The following KCNN2 variants were observed in gnomAD, a reference collection of about 807,000 sequenced individuals.
The protein encoded by KCNN2 is potassium calcium-activated channel subfamily N member 2, also known as small conductance calcium-activated potassium channel protein 2.
In KCNN2, 24 loss-of-function variants were observed where a neutral mutation model predicts 55.5. That is an observed-to-expected ratio of 0.43 (90% CI 0.31 to 0.61). The LOEUF is 0.61. Ranked by LOEUF, KCNN2 falls within the 20% of genes least tolerant of loss-of-function variation. The pLI, the probability that KCNN2 is intolerant of heterozygous loss-of-function variation, is 0.08. For synonymous variants in KCNN2, 431 were observed against 336.1 expected, an observed-to-expected ratio of 1.28 and a Z score of -3.09; for missense variants, 754 against 853.6, an observed-to-expected ratio of 0.88 and a Z score of 1.45.
chr5:114,186,949 C>T (rs1308081732), intron 1 of KCNN2, among the ~76,000 whole-genome samples: 3 of 152,034 alleles, frequency 2.0e-5, no homozygotes, highest in Non-Finnish European at 4.4e-5. Context: ...ATAAAAATCA[C>T]GAGATAATCT....
At chr5:114,177,964 C>A (rs191656595) in intron 1 of KCNN2, among the ~76,000 whole-genome samples, 2 of 152,224 alleles carry the variant, frequency 1.3e-5, no homozygotes, top group Admixed American at 1.3e-4. Context: ...CTGTGTTACG[C>A]CTGTCTTAAG....
intron 2 of KCNN2, among the ~76,000 whole-genome samples, chr5:114,285,141 G>C (rs555206326): frequency 1.3e-5 from 2 of 151,494 alleles, no homozygotes; most frequent in African/African-American, 4.8e-5. Flanking sequence ...AAAATTAGCC[G>C]GGTGTGGTGG....
At chr5:114,333,214 C>G (rs924831341) in intron 2 of KCNN2, among the ~76,000 whole-genome samples, 8 of 152,058 alleles carry the variant, frequency 5.3e-5, no homozygotes, top group African/African-American at 1.7e-4. Context: ...AACACGGGAG[C>G]CGGGAGGGCG....
chr5:114,454,045 C>T (rs1301256819), intron 3 of KCNN2, among the ~76,000 whole-genome samples: 1 of 152,146 alleles, frequency 6.6e-6, no homozygotes, highest in Non-Finnish European at 1.5e-5. Context: ...CATTGTTGAA[C>T]TCCCACTTAC....
intron 3 of KCNN2, among the ~76,000 whole-genome samples, chr5:114,442,776 G>A (rs1469693066): frequency 6.6e-6 from 1 of 152,126 alleles, no homozygotes; most frequent in African/African-American, 2.4e-5. Flanking sequence ...GGAAAATACT[G>A]TGGTGTATAA....
intron 1 of KCNN2, among the ~76,000 whole-genome samples, chr5:114,098,227 T>A (rs188128056): frequency 7.4e-4 from 112 of 152,226 alleles, no homozygotes; most frequent in South Asian, 1.7e-3. Context: ...ATCTCAAGGT[T>A]CTTCACTTAA....
intron 1 of KCNN2, among the ~76,000 whole-genome samples, chr5:114,154,633 G>A (rs1752594021): frequency 1.3e-5 from 2 of 152,190 alleles, no homozygotes; most frequent in Non-Finnish European, 2.9e-5. Flanking sequence ...CTACTTGTAG[G>A]CATGTCTCTG....
intron 2 of KCNN2, among the ~76,000 whole-genome samples, chr5:114,395,874 G>C (rs1455858097): frequency 6.6e-6 from 1 of 152,024 alleles, no homozygotes; most frequent in East Asian, 1.9e-4. Context: ...CTCTGGACTT[G>C]GCCTTGAGTA....
intron 1 of KCNN2, among the ~76,000 whole-genome samples, chr5:114,208,459 G>A (rs1344877742): frequency 6.6e-6 from 1 of 152,184 alleles, no homozygotes; most frequent in Non-Finnish European, 1.5e-5. Flanking sequence ...TTAAGGGGAT[G>A]AGGGTGGTGC....
chr5:114,484,241 A>G (rs1437040501), intron 5 of KCNN2, among the ~76,000 whole-genome samples: 1 of 152,148 alleles, frequency 6.6e-6, no homozygotes, highest in African/African-American at 2.4e-5. Context: ...AAAGGGGACA[A>G]AAGGGCATTC....
chr5:114,414,403 A>G (rs1204918030), intron 3 of KCNN2, among the ~76,000 whole-genome samples: 1 of 152,136 alleles, frequency 6.6e-6, no homozygotes, highest in Non-Finnish European at 1.5e-5. Context: ...CTGTCTTTCA[A>G]GGGAGCCTCT....
chr5:114,372,211 G>T (rs1757780856), intron 2 of KCNN2, among the ~76,000 whole-genome samples: 1 of 152,154 alleles, frequency 6.6e-6, no homozygotes, highest in African/African-American at 2.4e-5. Flanking sequence ...TACTTGGTTT[G>T]GATACCTGTC....
intron 2 of KCNN2, among the ~76,000 whole-genome samples, chr5:114,226,417 A>G (rs1754238287): frequency 2.0e-5 from 3 of 152,204 alleles, no homozygotes; most frequent in South Asian, 2.1e-4. Context: ...CATATTATGC[A>G]TATGATTTTG....
intron 1 of KCNN2, among the ~76,000 whole-genome samples, chr5:114,144,890 G>T (rs959143558): frequency 7.2e-5 from 11 of 151,822 alleles, no homozygotes; most frequent in African/African-American, 2.4e-4. Context: ...AATCTTTACT[G>T]TCCCATCTTT....
chr5:114,492,647 G>A (rs948155514), intron 6 of KCNN2, among the ~76,000 whole-genome samples: 5 of 151,820 alleles, frequency 3.3e-5, no homozygotes, highest in African/African-American at 1.2e-4. Flanking sequence ...TCTTCATCAG[G>A]TATATACAAT....
At chr5:114,358,928 C>T (rs567294280), upstream of KCNN2, among the ~76,000 whole-genome samples, 47 of 152,192 alleles carry the variant, frequency 3.1e-4, 1 homozygote, top group South Asian at 6.0e-3. Context: ...TTAAATGTGC[C>T]TGTTATAACC....
chr5:114,133,203 AT>A (rs368521404), intron 1 of KCNN2, among the ~76,000 whole-genome samples: 1,923 of 149,374 alleles, frequency 0.013, 48 homozygotes, highest in African/African-American at 0.043. Flanking sequence ...TTCCCATCAG[AT>A]TTTTTTTTTG....
intron 3 of KCNN2, among the ~76,000 whole-genome samples, chr5:114,405,994 G>A (rs1758920532): frequency 2.0e-5 from 3 of 151,430 alleles, no homozygotes; most frequent in Admixed American, 1.3e-4. Context: ...ACAGGCGTGA[G>A]CCACCGCACC....
chr5:114,079,820 A>C (rs1482421537), intron 1 of KCNN2, among the ~76,000 whole-genome samples: 1 of 135,600 alleles, frequency 7.4e-6, no homozygotes, highest in African/African-American at 3.1e-5. Flanking sequence ...GTAGATACTT[A>C]ATATGTGTGT....
Sources: gnomAD v4.1 joint callset for allele counts (sites outside exome capture counted in the v4.1 genomes callset) on GRCh38, gnomAD v4.1.1 for gene constraint, MANE v1.5 for transcripts, NCBI Gene and HGNC (gene_info 2026-07-23, HGNC 2026-07-21) for gene names.